Variants in ANLN observed in about 807,000 individuals in gnomAD.
The protein encoded by ANLN is anillin, actin binding protein, also known as anillin.
Under a neutral mutation model 135.1 loss-of-function variants are expected in ANLN, and 59 were observed. The ratio of observed to expected loss-of-function variants is 0.44; its 90% CI spans 0.35 to 0.54. ANLN has a LOEUF of 0.54. Among genes scored for constraint, ANLN ranks in the 20% least tolerant of loss-of-function variants. The pLI is 0.00. For synonymous variants in ANLN, 406 were observed against 456.4 expected, an observed-to-expected ratio of 0.89 and a Z score of 1.41; for missense variants, 1,182 against 1,340.0, an observed-to-expected ratio of 0.88 and a Z score of 1.84.
In ANLN at chr7:36,415,855, C is replaced by T. The variant is rs777351137; in HGVS notation, c.1493C>T (p.Pro498Leu). ...GAAAAGGTGACCGAAAACCAGATAC[C>T]AGCCAAAAATTCTAGTACAGAACCT... ...VTEKVTENQI[P>L]AKNSSTEPKG... The change falls in exon 8 of 24, where the codon CCA becomes CTA. Residue 498 changes from proline to leucine, a missense_variant. This residue lies in a region of ANLN where 1,022 missense variants were observed against 1,134.0 expected (regional missense o/e 0.90). Coordinates refer to ENST00000265748, the MANE Select transcript of ANLN (RefSeq NM_018685.5). The T allele has an allele frequency of 1.9e-6, 3 of 1,603,844 alleles. No individual in the cohort carries two copies. Among genetic ancestry groups the T allele is most frequent in the East Asian group, 2.2e-5 (1 of 44,562 alleles).
chr7:36,408,700 T>A (rs1231204710), intron 5 of ANLN, among the ~76,000 whole-genome samples: 1 of 152,202 alleles, frequency 6.6e-6, no homozygotes, highest in Non-Finnish European at 1.5e-5. Context: ...ATATTTGTAC[T>A]CATTAATCAA....
intron 20 of ANLN, among the ~76,000 whole-genome samples, chr7:36,431,087 G>A (rs1225141954): frequency 2.0e-5 from 3 of 152,110 alleles, no homozygotes; most frequent in African/African-American, 7.2e-5. Flanking sequence ...TTTGTTATCA[G>A]TAGCATGCTC....
chr7:36,411,753 A>G (rs1787421492), intron 7 of ANLN, among the ~76,000 whole-genome samples: 1 of 152,256 alleles, frequency 6.6e-6, no homozygotes, highest in South Asian at 2.1e-4. Context: ...AAATTTAATC[A>G]GTATTCTTTG....
Position 36,406,224 on chromosome 7 carries a change from G to A in ANLN, c.531G>A (p.Glu177=), listed in dbSNP as rs1394244765. The A allele has an allele frequency of 6.8e-6, 11 of 1,612,596 alleles. No individual in the cohort carries two copies. The highest frequency in any genetic ancestry group is 9.3e-6 in the Non-Finnish European group (11 of 1,178,650). Residue 177 remains glutamate, a synonymous_variant, in exon 4 of 24, where the codon GAG becomes GAA. Transcript: ENST00000265748. ...ESSLFSPMPS[E]EKAASPPRPL... ...CACTCTTCTCACCAATGCCATCAGA[G>A]GAAAAGGCTGCTTCCCCTCCCAGAC...
Position 36,427,046 on chromosome 7 carries a change from C to CT in ANLN, c.2883+19dup. 1 of 1,513,506 alleles carries CT rather than the reference C, an allele frequency of 6.6e-7. No individual in the cohort carries two copies. Among genetic ancestry groups the CT allele is most frequent in the Non-Finnish European group, 9.0e-7 (1 of 1,105,914 alleles). The allele number at this position is 1,513,506 out of a possible 1,614,324, so 93.8% of individuals were successfully genotyped here. A position where few individuals can be genotyped will look rare whatever the true frequency, so the allele number is the denominator to read the frequency against. On this transcript the variant is annotated intron_variant, in intron 20 of 23. Transcript: ENST00000265748. Reference sequence around the variant, plus strand: ...TGGACAAGGTAATCCAACTTTATTTCTAAGGGTGTGGTGTTTTTTTTTTAA... The same window carrying CT: ...TGGACAAGGTAATCCAACTTTATTTCTTAAGGGTGTGGTGTTTTTTTTTTAA...
intron 20 of ANLN, among the ~76,000 whole-genome samples, chr7:36,430,239 T>C (rs1788258435): frequency 6.6e-6 from 1 of 152,194 alleles, no homozygotes; most frequent in African/African-American, 2.4e-5. Flanking sequence ...GCAGTCTTGG[T>C]TTATTTTACT....
At chr7:36,390,108 C>A in intron 1 of ANLN, 64 bp downstream of exon 1, 1 of 1,610,150 alleles carries the variant, frequency 6.2e-7, no homozygotes, top group Non-Finnish European at 8.5e-7. Flanking sequence ...CCACCTTCCT[C>A]TGTCAACCTC....
chr7:36,449,632 T>G, intron 22 of ANLN, 33 bp from the exon 23 acceptor site: 1 of 1,552,624 alleles, frequency 6.4e-7, no homozygotes, highest in Non-Finnish European at 8.8e-7. Flanking sequence ...ATAGTCTTAT[T>G]TTCTACTAAT....
chr7:36,449,842 G>A lies in ANLN; in HGVS notation c.3251+5G>A. Reference sequence around the variant, plus strand: ...GGACACACTCTGTGTTACCAAGTATGTATTGGCCTATAAATATTTCTATCA... The same window carrying A: ...GGACACACTCTGTGTTACCAAGTATATATTGGCCTATAAATATTTCTATCA... On this transcript the variant is annotated splice_donor_5th_base_variant and intron_variant, in intron 23 of 23. Coordinates refer to ENST00000265748, the MANE Select transcript of ANLN (RefSeq NM_018685.5). 2 of 1,610,280 alleles carry A rather than the reference G, an allele frequency of 1.2e-6. No homozygotes were observed. Among genetic ancestry groups the A allele is most frequent in the Non-Finnish European group, 1.7e-6 (2 of 1,178,386 alleles).
At chr7:36,390,572 AAGCCAGT>A (rs1786403755) in intron 1 of ANLN, 1 of 155,188 alleles carries the variant, frequency 6.4e-6, no homozygotes, top group Non-Finnish European at 1.4e-5. Flanking sequence ...CGTTCATAAA[AAGCCAGT>A]AGTTCCTTGA....
chr7:36,397,147 GT>G (rs66498745), intron 2 of ANLN, among the ~76,000 whole-genome samples: 36,207 of 150,644 alleles, frequency 0.24, 5,099 homozygotes, highest in South Asian at 0.36. Flanking sequence ...CAAAACCAAT[GT>G]TTTTTTAAAA....
At chr7:36,436,398 G>T (rs1050564942) in intron 20 of ANLN, among the ~76,000 whole-genome samples, 1 of 152,020 alleles carries the variant, frequency 6.6e-6, no homozygotes, top group Non-Finnish European at 1.5e-5. Context: ...TCCGCATTTT[G>T]CCTATTGTGA....
In ANLN at chr7:36,411,103, G is replaced by T; in HGVS notation, c.1332G>T (p.Lys444Asn). 6.2e-7 allele frequency: 1 copy of T among 1,611,700 alleles called. No homozygotes were observed. The highest frequency in any genetic ancestry group is 8.5e-7 in the Non-Finnish European group (1 of 1,179,550). Residue 444 changes from lysine to asparagine, a missense_variant, in exon 7 of 24, where the codon AAG becomes AAT. Coordinates refer to ENST00000265748, the MANE Select transcript of ANLN (RefSeq NM_018685.5). ...CATGTCTTCGTGGCCGATTTGACAA[G>T]GGCAATATATGGAGTGCAGAAAAAG... The part of the protein sequence containing the change: ...ELACLRGRFD[K>N]GNIWSAEKGG...
intron 20 of ANLN, among the ~76,000 whole-genome samples, chr7:36,431,595 GTGTATATATATATATATATATAA>G (rs1273698593): frequency 7.6e-4 from 16 of 21,110 alleles, no homozygotes; most frequent in African/African-American, 1.5e-3. Context: ...GTGTGTGTGT[GTGTATATATATATATATATATAA>G]TATATATATA....
chr7:36,431,530 C>CAT (rs1394081562), intron 20 of ANLN, among the ~76,000 whole-genome samples: 38 of 139,666 alleles, frequency 2.7e-4, no homozygotes, highest in African/African-American at 5.6e-4. Flanking sequence ...ATCTATCTAT[C>CAT]ATATATATAT....
rs184237061 is a variant in ANLN at position 36,415,289 on chromosome 7, A to G, written c.1396-469A>G. 1.2e-3 allele frequency among the ~76,000 whole-genome samples: 182 copies of G among 152,278 alleles called. 4 individuals are homozygous for G. The highest frequency in any genetic ancestry group is 1.5e-4 in the Non-Finnish European group (10 of 68,030). ...TACCCTCCGGGTAACTGATAATTAAATGGAATCCTGATGTGTAGGAGCTGT... is the reference window on the plus strand; with the variant it reads ...TACCCTCCGGGTAACTGATAATTAAGTGGAATCCTGATGTGTAGGAGCTGT... On this transcript the variant is annotated intron_variant, in intron 7 of 23. Transcript: ENST00000265748.
In ANLN at chr7:36,417,212, A is replaced by G. The variant is rs949359672; in HGVS notation, c.1633+22A>G. ...ATTGGTTGGTTTTTATTCTTTATTT[A>G]TTATTAACTTTGCACATACTATAGG... On this transcript the variant is annotated intron_variant, in intron 9 of 23. Coordinates refer to ENST00000265748, the MANE Select transcript of ANLN (RefSeq NM_018685.5). 8 of 1,352,010 alleles carry G rather than the reference A, an allele frequency of 5.9e-6. No individual in the cohort carries two copies. The African/African-American group carries it at 8.8e-5, about 15-fold the overall frequency. The allele number at this position is 1,352,010 out of a possible 1,614,324, so 83.8% of individuals were successfully genotyped here.
chr7:36,439,074 T>C, intron 20 of ANLN, 130 bp from the exon 21 acceptor site: 1 of 700,112 alleles, frequency 1.4e-6, no homozygotes. Flanking sequence ...CCATGTCTTT[T>C]ATACTCCAAC....
chr7:36,391,519 C>T (rs12672774), intron 1 of ANLN, among the ~76,000 whole-genome samples: 3,910 of 152,288 alleles, frequency 0.026, 256 homozygotes, highest in East Asian at 0.23. Flanking sequence ...AGATCACTTG[C>T]AGTTGGAAAA....
Sources: allele counts gnomAD v4.1 joint callset (sites outside exome capture counted in the v4.1 genomes callset), GRCh38; gene constraint gnomAD v4.1.1; regional missense constraint gnomAD v4.1.1; transcripts MANE v1.5; gene names NCBI Gene and HGNC (gene_info 2026-07-23, HGNC 2026-07-21).